NEURL1: variants seen among roughly 807,000 people sequenced by gnomAD.
The protein encoded by NEURL1 is E3 ubiquitin-protein ligase NEURL1.
Under a neutral mutation model 41.2 loss-of-function variants are expected in NEURL1, and 26 were observed. The ratio of observed to expected loss-of-function variants is 0.63; its 90% CI spans 0.46 to 0.87. The LOEUF (loss-of-function observed/expected upper bound fraction) is 0.87. NEURL1 is among the 40% of genes least tolerant of loss of function. NEURL1 has a pLI of 0.00. For synonymous variants in NEURL1, 400 were observed against 402.3 expected, an observed-to-expected ratio of 0.99 and a Z score of 0.07; for missense variants, 761 against 871.1, an observed-to-expected ratio of 0.87 and a Z score of 1.59.
chr10:103,559,848 A>G (rs565719123), intron 1 of NEURL1, among the ~76,000 whole-genome samples: 64 of 141,520 alleles, frequency 4.5e-4, no homozygotes, highest in African/African-American at 6.3e-4. Flanking sequence ...ATATGTGCGC[A>G]CACACACACA....
At chr10:103,553,151 C>T (rs549454668) in intron 1 of NEURL1, among the ~76,000 whole-genome samples, 2 of 152,192 alleles carry the variant, frequency 1.3e-5, no homozygotes, top group Non-Finnish European at 2.9e-5. Flanking sequence ...GCCTCCAAAG[C>T]ATCTTCTTTT....
rs1437676728 is a variant in NEURL1 at position 103,556,837 on chromosome 10, G to T, written c.86-14035G>T. ...TCTGTGGGGTGGGGGCTCTTCTCAG[G>T]GCTTGCTGGCCCCGGCGGGGCCTGT... is the stretch of plus-strand genomic sequence containing the variant. On this transcript the variant is annotated intron_variant, in intron 1 of 5. Transcript: ENST00000369780. The surrounding 1 kb of genome is among the most constrained non-coding windows in gnomAD (Gnocchi z 4.4). 6.6e-6 allele frequency among the ~76,000 whole-genome samples: 1 copy of T among 152,166 alleles called. No individual in the cohort carries two copies. Among genetic ancestry groups the T allele is most frequent in the Non-Finnish European group, 1.5e-5 (1 of 68,020 alleles).
At position 103,514,406 on chromosome 10, in the gene NEURL1, C is replaced by G. The variant is rs1032338607; in HGVS notation, c.85+19934C>G. On this transcript the variant is annotated intron_variant, in intron 1 of 5. Transcript: ENST00000369780. ...CGTCCCCGGGCTGGTTACTATCCCT[C>G]TCTGTGCCCAGGCTCCTTTCCTTGT... Among the ~76,000 whole-genome samples, 2 of 152,196 alleles carry G rather than the reference C, an allele frequency of 1.3e-5. 1 individual carries two copies. The highest frequency in any genetic ancestry group is 1.3e-4 in the Admixed American group (2 of 15,274).
At chr10:103,580,522 C>G (rs2035763700) in intron 3 of NEURL1, among the ~76,000 whole-genome samples, 1 of 152,188 alleles carries the variant, frequency 6.6e-6, no homozygotes, top group South Asian at 2.1e-4. Context: ...CTGCCCTGAC[C>G]TCTAACTTGG....
At chr10:103,509,280 T>G (rs1410092022) in intron 1 of NEURL1, among the ~76,000 whole-genome samples, 1 of 151,176 alleles carries the variant, frequency 6.6e-6, no homozygotes, top group African/African-American at 2.4e-5. Context: ...CAGTTGTGTG[T>G]GGCTTAACAA....
At chr10:103,513,204 C>T (rs1355756563) in intron 1 of NEURL1, among the ~76,000 whole-genome samples, 3 of 152,214 alleles carry the variant, frequency 2.0e-5, no homozygotes, top group South Asian at 4.1e-4. Context: ...CAGGGGAGCA[C>T]TGGCCTCTCC....
chr10:103,556,856 G>A lies in NEURL1; in HGVS notation c.86-14016G>A, dbSNP rs879622191. On this transcript the variant is annotated intron_variant, in intron 1 of 5. Transcript: ENST00000369780. The surrounding 1 kb of genome is among the most constrained non-coding windows in gnomAD (Gnocchi z 4.4). ...TCTCAGGGCTTGCTGGCCCCGGCGGGGCCTGTTGGCAGAGGGTCTGGAGCC... is the reference window on the plus strand; with the variant it reads ...TCTCAGGGCTTGCTGGCCCCGGCGGAGCCTGTTGGCAGAGGGTCTGGAGCC... Among the ~76,000 whole-genome samples, 2 of 152,170 alleles carry A rather than the reference G, an allele frequency of 1.3e-5. No homozygotes were observed. The highest frequency in any genetic ancestry group is 2.9e-5 in the Non-Finnish European group (2 of 68,010).
chr10:103,571,740 G>A lies in NEURL1; in HGVS notation c.567G>A (p.Leu189=). 9.3e-6 allele frequency: 15 copies of A among 1,614,200 alleles called. No homozygotes were observed. Among genetic ancestry groups the A allele is most frequent in the Non-Finnish European group, 1.1e-5 (13 of 1,180,008 alleles). Reference sequence around the variant, plus strand: ...GCATCAACGACTCGGCTGTTATGCTGTTCTTCAGCGGGGTCCGCACGGCCG... The same window carrying A: ...GCATCAACGACTCGGCTGTTATGCTATTCTTCAGCGGGGTCCGCACGGCCG... ...FHRINDSAVM[L]FFSGVRTADP... Residue 189 remains leucine (L), a synonymous_variant, in exon 3 of 6, where the codon CTG becomes CTA. Transcript: ENST00000369780.
At position 103,556,868 on chromosome 10, in the gene NEURL1, G is replaced by A. The variant is rs1052646229; in HGVS notation, c.86-14004G>A. 6.6e-6 allele frequency among the ~76,000 whole-genome samples: 1 copy of A among 152,214 alleles called. No individual in the cohort carries two copies. Among genetic ancestry groups the A allele is most frequent in the African/African-American group, 2.4e-5 (1 of 41,460 alleles). ...CTGGCCCCGGCGGGGCCTGTTGGCA[G>A]AGGGTCTGGAGCCGACTGGCATTTT... On this transcript the variant is annotated intron_variant, in intron 1 of 5. Coordinates refer to ENST00000369780, the MANE Select transcript of NEURL1 (RefSeq NM_004210.5). The surrounding 1 kb of genome is among the most constrained non-coding windows in gnomAD (Gnocchi z 4.4).
chr10:103,555,797 C>T lies in NEURL1; in HGVS notation c.86-15075C>T, dbSNP rs1254722191. On this transcript the variant is annotated intron_variant, in intron 1 of 5. Transcript: ENST00000369780. Reference sequence around the variant, plus strand: ...CCTGGGTTTCCCTACCCACCTCTCCCGGGACGGAGGCAGCCACAGTTAGTT... The same window carrying T: ...CCTGGGTTTCCCTACCCACCTCTCCTGGGACGGAGGCAGCCACAGTTAGTT... Among the ~76,000 whole-genome samples the T allele has an allele frequency of 5.3e-5, 8 of 152,216 alleles. 1 individual carries two copies. The East Asian group carries it at 1.5e-3, about 29-fold the overall frequency.
At chr10:103,589,164 C>T (rs913796181) in intron 4 of NEURL1, among the ~76,000 whole-genome samples, 4 of 152,028 alleles carry the variant, frequency 2.6e-5, no homozygotes, top group African/African-American at 9.7e-5. Context: ...TGCTCCGGCC[C>T]AGGAAGCTTT....
At chr10:103,499,569 A>T (rs1005658174) in intron 1 of NEURL1, among the ~76,000 whole-genome samples, 1 of 151,164 alleles carries the variant, frequency 6.6e-6, no homozygotes, top group East Asian at 1.9e-4. Context: ...GGCTCAAGTG[A>T]TCCTCCTGCC....
chr10:103,559,698 G>A (rs1194265809), intron 1 of NEURL1, among the ~76,000 whole-genome samples: 1 of 152,192 alleles, frequency 6.6e-6, no homozygotes, highest in Non-Finnish European at 1.5e-5. Flanking sequence ...TTATAGAGTT[G>A]TAGGAAGGAT....
intron 1 of NEURL1, among the ~76,000 whole-genome samples, chr10:103,533,740 G>A (rs180916924): frequency 6.6e-5 from 10 of 152,168 alleles, no homozygotes; most frequent in Non-Finnish European, 5.9e-5. Flanking sequence ...GTTTCACCGT[G>A]TTAGCCAGGA....
intron 1 of NEURL1, among the ~76,000 whole-genome samples, chr10:103,506,265 C>T (rs1213861915): frequency 6.6e-6 from 1 of 152,166 alleles, no homozygotes; most frequent in East Asian, 1.9e-4. Flanking sequence ...TGGGGCAGTC[C>T]AGAGTATGTG....
chr10:103,518,600 T>C (rs767977858), intron 1 of NEURL1, among the ~76,000 whole-genome samples: 5 of 151,828 alleles, frequency 3.3e-5, no homozygotes, highest in African/African-American at 7.3e-5. Context: ...GGATTATGAG[T>C]TGGGGGGTCT....
At chr10:103,548,005 G>A (rs1343081958) in intron 1 of NEURL1, among the ~76,000 whole-genome samples, 1 of 152,102 alleles carries the variant, frequency 6.6e-6, no homozygotes, top group African/African-American at 2.4e-5. Context: ...CCAGGTTCTG[G>A]TGTAGGGAGC....
intron 1 of NEURL1, among the ~76,000 whole-genome samples, chr10:103,517,221 C>T (rs767996132): frequency 9.2e-5 from 14 of 152,122 alleles, no homozygotes; most frequent in Non-Finnish European, 1.5e-4. Context: ...GAGATGAGGT[C>T]TCACTATATT....
At chr10:103,521,974 G>T (rs1352603364) in intron 1 of NEURL1, among the ~76,000 whole-genome samples, 3 of 152,068 alleles carry the variant, frequency 2.0e-5, no homozygotes, top group South Asian at 4.2e-4. Flanking sequence ...ATAGGATTTG[G>T]GTGGGTGGTG....
Sources: allele counts gnomAD v4.1 joint callset (sites outside exome capture counted in the v4.1 genomes callset), GRCh38; gene constraint gnomAD v4.1.1; non-coding constraint Gnocchi (gnomAD v3.1); transcripts MANE v1.5; gene names NCBI Gene and HGNC (gene_info 2026-07-23, HGNC 2026-07-21).